HSPG2: variants seen among roughly 807,000 people sequenced by gnomAD.
The protein encoded by HSPG2 is heparan sulfate proteoglycan 2.
A neutral mutation model predicts 526.6 loss-of-function variants in HSPG2; 278 were observed. The observed-to-expected ratio is 0.53, with a 90% CI of 0.48 to 0.58. The LOEUF is 0.58. Ranked by LOEUF, HSPG2 falls within the 20% of genes least tolerant of loss-of-function variation. The pLI is 0.00. For synonymous variants in HSPG2, 2,465 were observed against 2,555.4 expected, an observed-to-expected ratio of 0.96 and a Z score of 1.07; for missense variants, 5,354 against 6,099.5, an observed-to-expected ratio of 0.88 and a Z score of 4.07.
chr1:21,842,764 CT>C lies in HSPG2; in HGVS notation c.8910+5del. The C allele has an allele frequency of 6.2e-7, 1 of 1,612,926 alleles. No individual in the cohort carries two copies. Among genetic ancestry groups the C allele is most frequent in the Non-Finnish European group, 8.5e-7 (1 of 1,180,020 alleles). On this transcript the variant is annotated splice_donor_5th_base_variant and intron_variant, in intron 67 of 96. Transcript: ENST00000374695. ...CCTGGAATCCTCCCCATCCTGGCCC[CT>C]GTACCTGGTGCCGGGCGGGGAGGCT...
chr1:21,830,714 A>AAAG, intron 85 of HSPG2: 1 of 270,392 alleles, frequency 3.7e-6, no homozygotes, highest in South Asian at 5.4e-5. Flanking sequence ...AAAAAAAAAG[A>AAAG]TGGGCTGGGG....
rs113496276 is a variant in HSPG2, at chr1:21,908,926, G to C, written c.64-12616C>G. Among the ~76,000 whole-genome samples, 14 of 152,328 alleles carry C rather than the reference G, an allele frequency of 9.2e-5. 1 individual carries two copies. The highest frequency in any genetic ancestry group is 3.4e-4 in the African/African-American group (14 of 41,556). On this transcript the variant is annotated intron_variant, in intron 1 of 96. Transcript: ENST00000374695. ...GTTCGAGACCAGCCTGACCAACATG[G>C]TGAAACCCCGTCTCTACTAAAAAAT...
At position 21,877,015 on chromosome 1, in the gene HSPG2, C is replaced by T. The variant is rs370502355; in HGVS notation, c.2686-363G>A. Among the ~76,000 whole-genome samples the T allele has an allele frequency of 3.9e-4, 58 of 150,018 alleles. 1 individual carries two copies. Among genetic ancestry groups the T allele is most frequent in the African/African-American group, 1.2e-3 (48 of 40,682 alleles). ...TGGAGGTTGCAGTGAGCCGAGATCG[C>T]GCCACTGCAATCCAGCCTACGCGAT... On this transcript the variant is annotated intron_variant, in intron 21 of 96. Coordinates refer to ENST00000374695, the MANE Select transcript of HSPG2 (RefSeq NM_005529.7).
chr1:21,839,410 C>T lies in HSPG2; in HGVS notation c.9850G>A (p.Ala3284Thr). ...GQYICNATSP[A>T]GHAEATIILH... is the part of the protein sequence containing the mutation. ...ATGATGGTGGCCTCAGCGTGCCCAGCAGGGCTAGTGGCATTGCAGATGTAC... is the reference window on the plus strand; with the variant it reads ...ATGATGGTGGCCTCAGCGTGCCCAGTAGGGCTAGTGGCATTGCAGATGTAC... The change falls in exon 73 of 97, where the codon GCT (alanine) becomes ACT (threonine). Residue 3284 changes from alanine to threonine, a missense_variant. Transcript: ENST00000374695. The surrounding 1 kb of genome is among the most constrained non-coding windows in gnomAD (Gnocchi z 4.5). 2.5e-6 allele frequency: 4 copies of T among 1,613,840 alleles called. No individual in the cohort carries two copies. The highest frequency in any genetic ancestry group is 3.4e-6 in the Non-Finnish European group (4 of 1,180,016).
chr1:21,873,961 G>A lies in HSPG2; in HGVS notation c.3707C>T (p.Ala1236Val), dbSNP rs113652076. ...LDTDGHPTCD[A>V]CSPGHSGRHC... The stretch of plus-strand genomic sequence containing the variant: ...ACGCCCACTGTGGCCTGGGGAGCAC[G>A]CATCACAGGTGGGGTGGCCGTCTGT... The change falls in exon 29 of 97, where the codon GCG (alanine) becomes GTG (valine). Residue 1236 changes from alanine to valine, a missense_variant. Physicochemically the swap from Ala to Val is moderately conservative, Grantham distance 64 (BLOSUM62 0). Transcript: ENST00000374695. 37 of 1,605,562 alleles carry A rather than the reference G, an allele frequency of 2.3e-5. No individual in the cohort carries two copies. The highest frequency in any genetic ancestry group is 4.0e-5 in the African/African-American group (3 of 74,952).
chr1:21,872,829 G>A lies in HSPG2; in HGVS notation c.3889-69C>T, dbSNP rs761590636. 1.9e-6 allele frequency: 3 copies of A among 1,579,082 alleles called. No individual in the cohort carries two copies. Among genetic ancestry groups the A allele is most frequent in the East Asian group, 4.6e-5 (2 of 43,556 alleles). On this transcript the variant is annotated intron_variant, in intron 31 of 96. Transcript: ENST00000374695. This position sits in a 1 kb window ranked among gnomAD's most constrained non-coding sequence, Gnocchi z 5.5. Reference sequence around the variant, plus strand: ...TCTCCTGCACCCCCAGCAGCCTGAGGCCAGCCTCCCTGGCCACTTCCAGCA... The same window carrying A: ...TCTCCTGCACCCCCAGCAGCCTGAGACCAGCCTCCCTGGCCACTTCCAGCA...
intron 91 of HSPG2, among the ~76,000 whole-genome samples, chr1:21,827,607 T>C (rs1189926436): frequency 6.6e-6 from 1 of 152,188 alleles, no homozygotes; most frequent in African/African-American, 2.4e-5. Context: ...TGGGCAACAA[T>C]AGTTTGTTGA....
At chr1:21,871,875 TC>T (rs1640677280) in intron 33 of HSPG2, among the ~76,000 whole-genome samples, 1 of 152,196 alleles carries the variant, frequency 6.6e-6, no homozygotes, top group South Asian at 2.1e-4. Context: ...TCTTTATATT[TC>T]CCGGCCTCTC....
At chr1:21,882,845 A>C (rs146302779) in intron 13 of HSPG2, among the ~76,000 whole-genome samples, 1 of 152,208 alleles carries the variant, frequency 6.6e-6, no homozygotes, top group Non-Finnish European at 1.5e-5. Context: ...CTGTCTGCCA[A>C]TAGCTTCTCC....
intron 49 of HSPG2, 39 bp from the exon 50 acceptor site, chr1:21,854,382 C>T (rs183115869): frequency 4.0e-5 from 62 of 1,553,456 alleles, no homozygotes; most frequent in South Asian, 2.0e-4. Context: ...AGGACAGGGA[C>T]GGGGGCTATT....
Position 21,836,987 on chromosome 1 carries a change from A to C in HSPG2, c.10170T>G (p.Pro3390=). ...TGGACCCTGCTGGGATGGAGGTGGC[A>C]GGGAGAGAGCCGGGAGGGCCTGCGG... The part of the protein sequence containing the change: ...LLVQGPPGSL[P]ATSIPAGSTP... Residue 3390 remains proline (P), a synonymous_variant, in exon 75 of 97, where the codon CCT becomes CCG. Coordinates refer to ENST00000374695, the MANE Select transcript of HSPG2 (RefSeq NM_005529.7). The C allele has an allele frequency of 1.9e-6, 3 of 1,552,478 alleles. No homozygotes were observed. Among genetic ancestry groups the C allele is most frequent in the Non-Finnish European group, 2.6e-6 (3 of 1,148,438 alleles).
Position 21,865,504 on chromosome 1 carries a change from C to A in HSPG2, c.4315-139G>T. The A allele has an allele frequency of 1.1e-6, 1 of 899,394 alleles. No individual in the cohort carries two copies. The highest frequency in any genetic ancestry group is 1.4e-5 in the South Asian group (1 of 72,778). The allele number at this position is 899,394 out of a possible 1,614,324, so 55.7% of individuals were successfully genotyped here. A position where few individuals can be genotyped will look rare whatever the true frequency, so the allele number is the denominator to read the frequency against. On this transcript the variant is annotated intron_variant, in intron 34 of 96. Coordinates refer to ENST00000374695, the MANE Select transcript of HSPG2 (RefSeq NM_005529.7). The surrounding 1 kb of genome is among the most constrained non-coding windows in gnomAD (Gnocchi z 5.4). ...CCCAAGCTCATGCGCCCAAAGGAGT[C>A]AGGCACATGCCCACTGCCCCCTTCT... is the stretch of plus-strand genomic sequence containing the variant.
chr1:21,936,890 G>A (rs1644502209), intron 1 of HSPG2, among the ~76,000 whole-genome samples: 1 of 152,164 alleles, frequency 6.6e-6, no homozygotes, highest in South Asian at 2.1e-4. Context: ...ACTCGGCAAC[G>A]TGGCCGAGAG....
At chr1:21,871,202 C>A (rs562540206) in intron 33 of HSPG2, among the ~76,000 whole-genome samples, 166 of 152,134 alleles carry the variant, frequency 1.1e-3, no homozygotes, top group African/African-American at 3.9e-3. Flanking sequence ...CACCTTTCCA[C>A]CAGACCCTGT....
chr1:21,841,550 A>AG lies in HSPG2; in HGVS notation c.9316dup (p.Leu3106ProfsTer71), dbSNP rs1379954052. 6.2e-7 allele frequency: 1 copy of AG among 1,614,230 alleles called. No individual in the cohort carries two copies. Among genetic ancestry groups the AG allele is most frequent in the Admixed American group, 1.7e-5 (1 of 60,024 alleles). ...CAACGTCCCCTCACCGTGCACACTG[A>AG]GGTTCACCACACTCTGGGCCACACC... is the stretch of plus-strand genomic sequence containing the variant. On this transcript the variant is annotated frameshift_variant, in exon 70 of 97. Coordinates refer to ENST00000374695, the MANE Select transcript of HSPG2 (RefSeq NM_005529.7). LOFTEE classifies it high-confidence loss of function.
At chr1:21,883,514 G>T (rs916856422) in intron 13 of HSPG2, among the ~76,000 whole-genome samples, 1 of 152,044 alleles carries the variant, frequency 6.6e-6, no homozygotes, top group African/African-American at 2.4e-5. Flanking sequence ...TTGTAGAGAT[G>T]GGGTCTCTCT....
Position 21,823,366 on chromosome 1 carries a change from G to C in HSPG2, c.13126C>G (p.Leu4376Val). The C allele has an allele frequency of 1.9e-6, 3 of 1,549,450 alleles. No homozygotes were observed. Among genetic ancestry groups the C allele is most frequent in the Non-Finnish European group, 8.7e-7 (1 of 1,151,544 alleles). Residue 4376 changes from leucine to valine, a missense_variant, in exon 97 of 97, where the codon CTG becomes GTG. Coordinates refer to ENST00000374695, the MANE Select transcript of HSPG2 (RefSeq NM_005529.7). The stretch of plus-strand genomic sequence containing the variant: ...GCCCCGGCCTGGGCGCGGTGCTGCA[G>C]GTCCAGGGGCTGTGGGGGCGGGGCG... ...PGAPPPQPLDLQHRAQAGANT... is the reference protein window; with the variant it reads ...PGAPPPQPLDVQHRAQAGANT...
intron 85 of HSPG2, 45 bp downstream of exon 85, chr1:21,830,937 G>A: frequency 7.5e-7 from 1 of 1,332,380 alleles, no homozygotes; most frequent in Non-Finnish European, 1.1e-6. Context: ...GCAAAGGGAA[G>A]AGGCAGGCCC....
intron 39 of HSPG2, among the ~76,000 whole-genome samples, 195 bp downstream of exon 39, chr1:21,861,562 G>A (rs1209525220): frequency 6.6e-6 from 1 of 152,212 alleles, no homozygotes; most frequent in Non-Finnish European, 1.5e-5. Flanking sequence ...TCAGAAGTGG[G>A]ATGAGACTGC....
Sources: allele counts gnomAD v4.1 joint callset (sites outside exome capture counted in the v4.1 genomes callset), GRCh38; gene constraint gnomAD v4.1.1; non-coding constraint Gnocchi (gnomAD v3.1); transcripts MANE v1.5; gene names NCBI Gene and HGNC (gene_info 2026-07-23, HGNC 2026-07-21).